Variants in OSMR observed in about 807,000 individuals in gnomAD.
The protein encoded by OSMR is oncostatin M receptor.
Under a neutral mutation model 99.9 loss-of-function variants are expected in OSMR, and 81 were observed. The observed-to-expected ratio is 0.81, with a 90% CI of 0.68 to 0.97. OSMR has a LOEUF of 0.97. Ranked by LOEUF, OSMR falls within the 50% of genes least tolerant of loss-of-function variation. The probability of loss-of-function intolerance (pLI) is 0.00; values close to 1 mark genes in which losing one functional copy is unlikely to be tolerated. For synonymous variants in OSMR, 406 were observed against 410.4 expected (o/e 0.99, Z 0.13); for missense variants, 1,099 against 1,153.4 (o/e 0.95, Z 0.68).
In OSMR at chr5:38,933,025, C is replaced by T. The variant is rs768554927; in HGVS notation, c.2521C>T (p.Leu841Phe). ...ELTKPNYLYL[L>F]PTEKNHSGPG... is the part of the protein sequence containing the mutation. ...GACTAAGCCTAACTACCTTTATCTC[C>T]TTCCAACAGAAAAGAATCACTCTGG... is the stretch of plus-strand genomic sequence containing the variant. The change falls in exon 18 of 18, where the codon CTT (leucine) becomes TTT (phenylalanine). Residue 841 changes from leucine (L) to phenylalanine (F), a missense_variant. Physicochemically the swap from Leu to Phe is conservative, Grantham distance 22. Transcript: ENST00000274276. 4 of 1,614,176 alleles carry T rather than the reference C, an allele frequency of 2.5e-6. No individual in the cohort carries two copies. The highest frequency in any genetic ancestry group is 3.4e-6 in the Non-Finnish European group (4 of 1,180,012).
At chr5:38,895,179 C>G (rs1445801827) in intron 7 of OSMR, among the ~76,000 whole-genome samples, 2 of 151,910 alleles carry the variant, frequency 1.3e-5, no homozygotes, top group Non-Finnish European at 2.9e-5. Flanking sequence ...TAATATCACA[C>G]CTAGAGAAAC....
intron 9 of OSMR, among the ~76,000 whole-genome samples, chr5:38,909,204 AT>A (rs1420526411): frequency 6.6e-6 from 1 of 152,232 alleles, no homozygotes; most frequent in Non-Finnish European, 1.5e-5. Flanking sequence ...AAAGAAAAAA[AT>A]AAAAATTATT....
intron 1 of OSMR, among the ~76,000 whole-genome samples, chr5:38,867,189 A>G (rs1742016336): frequency 6.6e-6 from 1 of 152,174 alleles, no homozygotes; most frequent in Non-Finnish European, 1.5e-5. Flanking sequence ...CCAAAAATAG[A>G]AAGCAGTGGA....
intron 3 of OSMR, among the ~76,000 whole-genome samples, 164 bp downstream of exon 3, chr5:38,876,537 G>A (rs1037430911): frequency 1.3e-5 from 2 of 152,114 alleles, no homozygotes; most frequent in Non-Finnish European, 1.5e-5. Flanking sequence ...AATGATCCAG[G>A]ACAAAGTAAC....
At chr5:38,889,590 T>C (rs1744019527) in intron 7 of OSMR, among the ~76,000 whole-genome samples, 1 of 152,174 alleles carries the variant, frequency 6.6e-6, no homozygotes, top group Non-Finnish European at 1.5e-5. Context: ...TTACAATGTC[T>C]TTTAGTCTAT....
intron 1 of OSMR, among the ~76,000 whole-genome samples, chr5:38,861,356 A>G (rs547327032): frequency 1.2e-3 from 182 of 152,146 alleles, no homozygotes; most frequent in African/African-American, 4.3e-3. Flanking sequence ...GCATCTGTTT[A>G]ACAAAGCACA....
chr5:38,863,175 TGGGGAG>T (rs1561341212), intron 1 of OSMR, among the ~76,000 whole-genome samples: 1 of 51,470 alleles, frequency 1.9e-5, no homozygotes, highest in Non-Finnish European at 3.5e-5. Context: ...AGGGAGACCG[TGGGGAG>T]AGGGAGAGGG....
intron 10 of OSMR, chr5:38,918,633 A>G: frequency 1.7e-6 from 1 of 586,844 alleles, no homozygotes; most frequent in Non-Finnish European, 2.1e-6. Context: ...TTATCTCCAA[A>G]TGATCCTCTT....
chr5:38,883,700 T>A, intron 4 of OSMR, 127 bp from the exon 5 acceptor site: 2 of 1,554,354 alleles, frequency 1.3e-6, no homozygotes. Context: ...GCAGAGAAAT[T>A]TAGGTTGCTA....
At chr5:38,913,938 C>T (rs1472553442) in intron 9 of OSMR, among the ~76,000 whole-genome samples, 1 of 152,154 alleles carries the variant, frequency 6.6e-6, no homozygotes, top group Non-Finnish European at 1.5e-5. Context: ...CCCTGTAACC[C>T]CATCAGGGCA....
At chr5:38,881,471 C>T in intron 3 of OSMR, 122 bp from the exon 4 acceptor site, 1 of 1,585,152 alleles carries the variant, frequency 6.3e-7, no homozygotes, top group Non-Finnish European at 8.6e-7. Context: ...AAGTGGAATT[C>T]ACTGGCACAT....
In OSMR at chr5:38,890,422, T is replaced by C. The variant is rs540364577; in HGVS notation, c.991+4232T>C. ...CTTGTTAATCTGAGAGCCTAAATTT[T>C]TATAAACATTTATCTAGTTCTTTTC... is the stretch of plus-strand genomic sequence containing the variant. On this transcript the variant is annotated intron_variant, in intron 7 of 17. Transcript: ENST00000274276. Among the ~76,000 whole-genome samples the C allele has an allele frequency of 1.4e-4, 22 of 152,342 alleles. No homozygotes were observed. The South Asian group carries it at 4.6e-3, about 32-fold the overall frequency.
intron 1 of OSMR, among the ~76,000 whole-genome samples, chr5:38,859,946 C>T (rs1467821066): frequency 6.6e-6 from 1 of 152,108 alleles, no homozygotes; most frequent in Non-Finnish European, 1.5e-5. Flanking sequence ...TAAAACTTTA[C>T]TGAATTCATT....
At chr5:38,904,132 T>A in intron 8 of OSMR, 108 bp downstream of exon 8, 1 of 1,551,468 alleles carries the variant, frequency 6.4e-7, no homozygotes, top group South Asian at 1.2e-5. Flanking sequence ...TAGGTTCAAA[T>A]GGTGTGGGTC....
intron 7 of OSMR, among the ~76,000 whole-genome samples, chr5:38,902,431 TG>T (rs1483339497): frequency 6.6e-6 from 1 of 152,224 alleles, no homozygotes; most frequent in African/African-American, 2.4e-5. Flanking sequence ...ATAAGCATCT[TG>T]GGTCACTATG....
intron 1 of OSMR, among the ~76,000 whole-genome samples, chr5:38,862,254 T>A (rs867452799): frequency 1.4e-5 from 1 of 72,008 alleles, no homozygotes. Context: ...GCTGACCCCC[T>A]ACCTCCCTCC....
Position 38,888,219 on chromosome 5 carries a change from G to T in OSMR, c.991+2029G>T, listed in dbSNP as rs77450238. Reference sequence around the variant, plus strand: ...AGGCATGTCATTCACATAGCACAGGGAAAAACTGGCCCTCCCGCCCTAGCC... The same window carrying T: ...AGGCATGTCATTCACATAGCACAGGTAAAAACTGGCCCTCCCGCCCTAGCC... On this transcript the variant is annotated intron_variant, in intron 7 of 17. Coordinates refer to ENST00000274276, the MANE Select transcript of OSMR (RefSeq NM_003999.3). 0.022 allele frequency among the ~76,000 whole-genome samples: 3,301 copies of T among 152,230 alleles called. 322 individuals carry two copies. The East Asian group carries it at 0.35, about 16-fold the overall frequency.
At chr5:38,870,340 T>TA (rs948732977) in intron 2 of OSMR, among the ~76,000 whole-genome samples, 1 of 149,730 alleles carries the variant, frequency 6.7e-6, no homozygotes, top group African/African-American at 2.5e-5. Flanking sequence ...CTTTTTTTTT[T>TA]TTTTTTTTTG....
At chr5:38,884,718 T>C (rs2112395088) in intron 5 of OSMR, among the ~76,000 whole-genome samples, 1 of 152,276 alleles carries the variant, frequency 6.6e-6, no homozygotes, top group South Asian at 2.1e-4. Context: ...ATCGGATACA[T>C]TAGTGGAGTG....
Sources: gnomAD v4.1 joint callset for allele counts (sites outside exome capture counted in the v4.1 genomes callset) on GRCh38, gnomAD v4.1.1 for gene constraint, MANE v1.5 for transcripts, NCBI Gene and HGNC (gene_info 2026-07-23, HGNC 2026-07-21) for gene names.